The following CTNNAL1 variants were observed in gnomAD, a reference collection of about 807,000 sequenced individuals.
CTNNAL1 encodes alpha-catulin.
CTNNAL1 carries 69 observed loss-of-function variants against 93.6 expected under a neutral mutation model. That is an observed-to-expected ratio of 0.74 (90% CI 0.61 to 0.90). CTNNAL1 has a LOEUF of 0.90. Ranked by LOEUF, CTNNAL1 falls within the 40% of genes least tolerant of loss-of-function variation. The pLI is 0.00. For synonymous variants in CTNNAL1, 286 were observed against 305.4 expected (o/e 0.94, Z 0.66); for missense variants, 836 against 862.0 (o/e 0.97, Z 0.38).
chr9:108,986,347 G>A (rs10979639), intron 4 of CTNNAL1, among the ~76,000 whole-genome samples: 10,081 of 148,208 alleles, frequency 0.068, 340 homozygotes, highest in Admixed American at 0.12. Flanking sequence ...TCCCTACAAA[G>A]GACATGAACT....
chr9:108,958,934 T>A (rs1830753440), intron 11 of CTNNAL1, among the ~76,000 whole-genome samples: 1 of 150,574 alleles, frequency 6.6e-6, no homozygotes, highest in Non-Finnish European at 1.5e-5. Flanking sequence ...ATCTAATTAT[T>A]GCCGTTGATT....
chr9:108,984,117 C>A (rs556286762), intron 5 of CTNNAL1, among the ~76,000 whole-genome samples: 2 of 152,154 alleles, frequency 1.3e-5, no homozygotes, highest in Admixed American at 6.5e-5. Flanking sequence ...CCTAATACAC[C>A]ATGTTCTGCT....
rs773605617 is a variant in CTNNAL1 at position 108,999,247 on chromosome 9, G to A, written c.151C>T (p.Leu51Phe). Residue 51 changes from leucine to phenylalanine, a missense_variant, in exon 2 of 19, where the codon CTT (leucine) becomes TTT (phenylalanine). Transcript: ENST00000325551. ...LLPLVSQITT[L>F]INHKDNTKKS... ...TTGGTATTATCTTTATGATTAATAA[G>A]CGTGGTGATCTAAAAATAAAAGATA... The A allele has an allele frequency of 9.3e-5, 148 of 1,583,066 alleles. No individual in the cohort carries two copies. The highest frequency in any genetic ancestry group is 1.2e-4 in the Non-Finnish European group (139 of 1,168,440).
Position 108,999,122 on chromosome 9 carries a change from T to A in CTNNAL1, c.276A>T (p.Glu92Asp), listed in dbSNP as rs149608558. 1 of 1,612,856 alleles carries A rather than the reference T, an allele frequency of 6.2e-7. No individual in the cohort carries two copies. Among genetic ancestry groups the A allele is most frequent in the East Asian group, 2.2e-5 (1 of 44,854 alleles). The change falls in exon 2 of 19, where the codon GAA (glutamate) becomes GAT (aspartate). Residue 92 changes from glutamate (E) to aspartate (D), a missense_variant. Coordinates refer to ENST00000325551, the MANE Select transcript of CTNNAL1 (RefSeq NM_003798.4). ...TTATTTCTTCTTTCAAATCCCAGTT[T>A]TCATTGGCTATAGCTTCTCCTACTT... ...FVKVGEAIAN[E>D]NWDLKEEINI...
At chr9:108,967,533 A>G (rs559970033) in intron 10 of CTNNAL1, among the ~76,000 whole-genome samples, 3 of 152,350 alleles carry the variant, frequency 2.0e-5, no homozygotes, top group East Asian at 3.9e-4. Flanking sequence ...TATAACAAGC[A>G]GTGGGAGAGA....
intron 14 of CTNNAL1, 28 bp from the exon 15 acceptor site, chr9:108,948,262 T>C (rs748504437): frequency 6.3e-7 from 1 of 1,597,570 alleles, no homozygotes; most frequent in South Asian, 1.1e-5. Context: ...GTTAAGAAGG[T>C]AACAAAAAGT....
At chr9:108,983,756 A>T (rs904257926) in intron 5 of CTNNAL1, among the ~76,000 whole-genome samples, 1 of 152,246 alleles carries the variant, frequency 6.6e-6, no homozygotes, top group Admixed American at 6.5e-5. Flanking sequence ...GGGTTCCACG[A>T]AGTCTGTTTT....
chr9:108,946,267 C>G (rs1405964079), intron 15 of CTNNAL1, among the ~76,000 whole-genome samples: 1 of 150,582 alleles, frequency 6.6e-6, no homozygotes, highest in Non-Finnish European at 1.5e-5. Context: ...CCACTGCACT[C>G]CAGCCTGACA....
chr9:109,003,837 G>A (rs1826929709), intron 1 of CTNNAL1, among the ~76,000 whole-genome samples: 1 of 152,194 alleles, frequency 6.6e-6, no homozygotes, highest in Non-Finnish European at 1.5e-5. Flanking sequence ...GATGGGAAGA[G>A]GTTACTTGCA....
intron 1 of CTNNAL1, among the ~76,000 whole-genome samples, chr9:109,002,992 TC>T (rs1826897495): frequency 6.7e-6 from 1 of 148,206 alleles, no homozygotes; most frequent in African/African-American, 2.6e-5. Context: ...AAACTCCATC[TC>T]AAAAAAAAAA....
At chr9:108,968,257 G>C (rs1244586690) in intron 10 of CTNNAL1, among the ~76,000 whole-genome samples, 1 of 152,218 alleles carries the variant, frequency 6.6e-6, no homozygotes, top group Non-Finnish European at 1.5e-5. Context: ...CCAGAGGCAT[G>C]CTCAATGTCC....
intron 7 of CTNNAL1, 97 bp downstream of exon 7, chr9:108,979,184 T>C (rs1831349054): frequency 6.8e-7 from 1 of 1,462,522 alleles, no homozygotes. Context: ...CTGGAACAAA[T>C]TCATACTCCT....
chr9:108,997,926 C>T (rs553049020), intron 2 of CTNNAL1, among the ~76,000 whole-genome samples: 4 of 152,218 alleles, frequency 2.6e-5, no homozygotes, highest in Non-Finnish European at 5.9e-5. Flanking sequence ...ATTTTCTATA[C>T]AGGAGCCACC....
intron 8 of CTNNAL1, among the ~76,000 whole-genome samples, chr9:108,973,588 T>C (rs1831180284): frequency 6.6e-6 from 1 of 151,814 alleles, no homozygotes; most frequent in Non-Finnish European, 1.5e-5. Context: ...ACGAACCCCA[T>C]GGTTTTATTG....
At chr9:109,008,147 T>C (rs934904000) in intron 1 of CTNNAL1, among the ~76,000 whole-genome samples, 1 of 143,580 alleles carries the variant, frequency 7.0e-6, no homozygotes, top group Non-Finnish European at 1.5e-5. Context: ...TTCCAATCCA[T>C]CTTTCTTTTT....
At chr9:108,958,575 A>G (rs1432374899) in intron 11 of CTNNAL1, among the ~76,000 whole-genome samples, 1 of 152,172 alleles carries the variant, frequency 6.6e-6, no homozygotes, top group Non-Finnish European at 1.5e-5. Flanking sequence ...TCCACATACT[A>G]TGCAGGTAAG....
At chr9:108,985,591 C>A (rs984821813) in intron 4 of CTNNAL1, among the ~76,000 whole-genome samples, 2 of 152,136 alleles carry the variant, frequency 1.3e-5, no homozygotes, top group Non-Finnish European at 2.9e-5. Flanking sequence ...AAATAGTGTA[C>A]GACAAAGTGC....
At chr9:108,961,269 TTG>T (rs1176329624) in intron 11 of CTNNAL1, among the ~76,000 whole-genome samples, 1 of 152,180 alleles carries the variant, frequency 6.6e-6, no homozygotes, top group Non-Finnish European at 1.5e-5. Context: ...ATGAGCAGGT[TTG>T]TCACATCAAC....
intron 2 of CTNNAL1, among the ~76,000 whole-genome samples, chr9:108,998,275 G>T (rs1004162326): frequency 2.0e-5 from 3 of 152,026 alleles, no homozygotes; most frequent in African/African-American, 4.8e-5. Flanking sequence ...CAATGTACAG[G>T]TCAACCTCCC....
Sources: gnomAD v4.1 joint callset for allele counts (sites outside exome capture counted in the v4.1 genomes callset) on GRCh38, gnomAD v4.1.1 for gene constraint, MANE v1.5 for transcripts, NCBI Gene and HGNC (gene_info 2026-07-23, HGNC 2026-07-21) for gene names.